Variants in GTF3C5 observed in about 807,000 individuals in gnomAD.
The protein encoded by GTF3C5 is general transcription factor 3C polypeptide 5.
GTF3C5 carries 47 observed loss-of-function variants against 61.0 expected under a neutral mutation model. The observed-to-expected ratio is 0.77, with a 90% confidence interval of 0.61 to 0.98. GTF3C5 has a LOEUF of 0.98. Ranked by LOEUF, GTF3C5 falls within the 50% of genes least tolerant of loss-of-function variation. GTF3C5 has a pLI of 0.00. For synonymous variants in GTF3C5, 295 were observed against 275.4 expected, an observed-to-expected ratio of 1.07 and a Z score of -0.71; for missense variants, 659 against 703.3, an observed-to-expected ratio of 0.94 and a Z score of 0.71.
At chr9:133,031,797 T>C (rs1380384032) in intron 1 of GTF3C5, among the ~76,000 whole-genome samples, 3 of 152,052 alleles carry the variant, frequency 2.0e-5, no homozygotes, top group Non-Finnish European at 4.4e-5. Flanking sequence ...CTAATTCCGA[T>C]TGGTTATTTC....
In GTF3C5 at chr9:133,042,129, C is replaced by T; in HGVS notation, c.196C>T (p.Pro66Ser). Residue 66 changes from proline to serine, a missense_variant, in exon 2 of 11, where the codon CCC (proline) becomes TCC (serine). Physicochemically the swap from Pro to Ser is moderately conservative, Grantham distance 74. Coordinates refer to ENST00000372097, the MANE Select transcript of GTF3C5 (RefSeq NM_012087.4). ...PTKRLELYFR[P>S]KDPYCHPVCA... is the part of the protein sequence containing the mutation. ...CAAGAGGCTGGAGCTGTACTTCCGGCCCAAGGACCCATACTGCCACCCAGT... is the reference window on the plus strand; with the variant it reads ...CAAGAGGCTGGAGCTGTACTTCCGGTCCAAGGACCCATACTGCCACCCAGT... 2 of 1,614,034 alleles carry T rather than the reference C, an allele frequency of 1.2e-6. No individual in the cohort carries two copies. Among genetic ancestry groups the T allele is most frequent in the East Asian group, 4.5e-5 (2 of 44,876 alleles).
chr9:133,049,932 ACGT>A (rs1850320584), intron 3 of GTF3C5, among the ~76,000 whole-genome samples: 1 of 151,990 alleles, frequency 6.6e-6, no homozygotes, highest in Admixed American at 6.6e-5. Context: ...CTATGCTGAG[ACGT>A]CGTCACCCAG....
In GTF3C5 at chr9:133,056,918, G is replaced by T; in HGVS notation, c.1393+10G>T. ...CGCTCCAAGAGGCCTGGTAAGAGCC[G>T]CTTGGGGTAAAGGGGGTCCAGGATG... is the stretch of plus-strand genomic sequence containing the variant. On this transcript the variant is annotated intron_variant, in intron 10 of 10. Transcript: ENST00000372097. The T allele has an allele frequency of 1.9e-6, 3 of 1,586,086 alleles. No individual in the cohort carries two copies. The highest frequency in any genetic ancestry group is 2.6e-6 in the Non-Finnish European group (3 of 1,165,668).
chr9:133,052,189 T>C, intron 5 of GTF3C5, 25 bp downstream of exon 5: 1 of 1,323,592 alleles, frequency 7.6e-7, no homozygotes, highest in Non-Finnish European at 1.1e-6. Flanking sequence ...CCCACCCACC[T>C]GCCTTGGTTT....
intron 1 of GTF3C5, among the ~76,000 whole-genome samples, chr9:133,039,409 T>A (rs1849971903): frequency 6.6e-6 from 1 of 151,828 alleles, no homozygotes; most frequent in African/African-American, 2.4e-5. Context: ...TTATTTTTAT[T>A]TTTTTATTTT....
intron 8 of GTF3C5, chr9:133,055,391 T>TG: frequency 7.7e-7 from 1 of 1,295,104 alleles, no homozygotes; most frequent in Non-Finnish European, 1.0e-6. Flanking sequence ...AGACGGGTGA[T>TG]GCGAGGGACT....
chr9:133,034,324 T>G (rs1849808868), intron 1 of GTF3C5, among the ~76,000 whole-genome samples: 1 of 152,176 alleles, frequency 6.6e-6, no homozygotes, highest in African/African-American at 2.4e-5. Context: ...TTTGACTGTC[T>G]GCGATATGGA....
chr9:133,055,689 G>A (rs1416293051), intron 8 of GTF3C5: 1 of 985,444 alleles, frequency 1.0e-6, no homozygotes, highest in Non-Finnish European at 1.2e-6. Flanking sequence ...GAGTGCAGGA[G>A]GGCACAGAGA....
intron 1 of GTF3C5, among the ~76,000 whole-genome samples, chr9:133,033,533 G>A (rs1178579855): frequency 6.6e-6 from 1 of 152,192 alleles, no homozygotes; most frequent in Admixed American, 6.5e-5. Flanking sequence ...GAGACACAAA[G>A]TAAAATTGGC....
intron 8 of GTF3C5, chr9:133,055,773 G>T: frequency 7.4e-7 from 1 of 1,352,536 alleles, no homozygotes; most frequent in South Asian, 1.7e-5. Context: ...CGGGCTCACC[G>T]TTTCCAGTGG....
At chr9:133,055,514 C>A in intron 8 of GTF3C5, 1 of 1,197,712 alleles carries the variant, frequency 8.3e-7, no homozygotes, top group East Asian at 5.8e-5. Flanking sequence ...CTTCTCGAGG[C>A]CTCTCCTAGG....
intron 5 of GTF3C5, 42 bp downstream of exon 5, chr9:133,052,206 A>G (rs2119024300): frequency 2.7e-6 from 3 of 1,101,332 alleles, no homozygotes; most frequent in East Asian, 2.4e-5. Flanking sequence ...GTTTCCACCC[A>G]TGTGGTCCCT....
At chr9:133,036,216 T>C (rs1031331146) in intron 1 of GTF3C5, among the ~76,000 whole-genome samples, 3 of 152,220 alleles carry the variant, frequency 2.0e-5, no homozygotes, top group African/African-American at 7.2e-5. Context: ...CTTTTAGATT[T>C]GGATTCCCTG....
intron 7 of GTF3C5, 22 bp downstream of exon 7, chr9:133,054,510 T>C (rs749265534): frequency 6.2e-7 from 1 of 1,608,526 alleles, no homozygotes; most frequent in Non-Finnish European, 8.5e-7. Flanking sequence ...AGGCGCCTTT[T>C]GTGGGTCATG....
chr9:133,031,277 G>GCGAGCAGCACCC, intron 1 of GTF3C5, 113 bp downstream of exon 1: 1 of 859,502 alleles, frequency 1.2e-6, no homozygotes, highest in South Asian at 1.7e-5. Context: ...ACGCAGAAGG[G>GCGAGCAGCACCC]TGCTGCTCGC....
At chr9:133,047,812 G>A (rs1010018764) in intron 3 of GTF3C5, among the ~76,000 whole-genome samples, 4 of 152,176 alleles carry the variant, frequency 2.6e-5, no homozygotes, top group African/African-American at 4.8e-5. Flanking sequence ...GTAAGCCACC[G>A]CACCCAGCCT....
chr9:133,058,425 G>C lies in GTF3C5; in HGVS notation c.*445G>C, dbSNP rs62576767. On this transcript the variant is annotated 3_prime_UTR_variant, in exon 11 of 11. Transcript: ENST00000372097. ...CGTGGCAAGAAGTGCCTTTAGCTCT[G>C]GATCCCAACCGTTTGGCACAGCTTT... 1 of 161,866 alleles carries C rather than the reference G, an allele frequency of 6.2e-6. No individual in the cohort carries two copies. Among genetic ancestry groups the C allele is most frequent in the Non-Finnish European group, 1.4e-5 (1 of 72,814 alleles). The allele number at this position is 161,866 out of a possible 1,614,324, so 10.0% of individuals were successfully genotyped here. A position where few individuals can be genotyped will look rare whatever the true frequency, so the allele number is the denominator to read the frequency against.
chr9:133,053,788 CT>C, intron 5 of GTF3C5, 39 bp from the exon 6 acceptor site: 1 of 1,198,890 alleles, frequency 8.3e-7, no homozygotes, highest in Non-Finnish European at 1.2e-6. Flanking sequence ...GGACCTGGGC[CT>C]TCACCTCACC....
chr9:133,041,981 TG>T, intron 1 of GTF3C5, 105 bp from the exon 2 acceptor site: 4 of 733,276 alleles, frequency 5.5e-6, no homozygotes, highest in South Asian at 5.2e-5. Flanking sequence ...ATGAGCCTCC[TG>T]GCCTTTCCTG....
Sources: allele counts gnomAD v4.1 joint callset (sites outside exome capture counted in the v4.1 genomes callset), GRCh38; gene constraint gnomAD v4.1.1; transcripts MANE v1.5; gene names NCBI Gene and HGNC (gene_info 2026-07-23, HGNC 2026-07-21).